The following ACSL4 variants were observed in gnomAD, a reference collection of about 807,000 sequenced individuals.
The protein encoded by ACSL4 is acyl-CoA synthetase long chain family member 4, also known as long-chain-fatty-acid--CoA ligase 4.
ACSL4 carries 9 observed loss-of-function variants against 49.1 expected under a neutral mutation model. The ratio of observed to expected loss-of-function variants is 0.18; its 90% CI spans 0.11 to 0.32. ACSL4 has a LOEUF of 0.32. Among genes scored for constraint, ACSL4 ranks in the 10% least tolerant of loss-of-function variants. ACSL4 has a pLI of 1.00. For synonymous variants in ACSL4, 191 were observed against 170.3 expected (o/e 1.12, Z -0.95); for missense variants, 333 against 493.7 (o/e 0.67, Z 3.08).
intron 15 of ACSL4, among the ~76,000 whole-genome samples, chrX:109,653,141 G>A (rs917266340): frequency 9.0e-6 from 1 of 111,240 alleles, no homozygotes; most frequent in Non-Finnish European, 1.9e-5. Context: ...GCAGCAATTT[G>A]GCAATGAGGA....
intron 1 of ACSL4, among the ~76,000 whole-genome samples, chrX:109,719,461 G>A (rs915650576): frequency 8.9e-6 from 1 of 111,950 alleles, no homozygotes; most frequent in African/African-American, 3.3e-5. Context: ...TACTCCTCGC[G>A]CTGAAAATCA....
chrX:109,672,781 T>C (rs1276462373), intron 9 of ACSL4, among the ~76,000 whole-genome samples: 7 of 110,061 alleles, frequency 6.4e-5, no homozygotes, highest in African/African-American at 2.0e-4. Context: ...ACAAGTGTCA[T>C]TGGAACCTGG....
chrX:109,675,192 G>C (rs1161572974), intron 8 of ACSL4, among the ~76,000 whole-genome samples: 1 of 112,897 alleles, frequency 8.9e-6, no homozygotes, highest in Non-Finnish European at 1.9e-5. Flanking sequence ...GAAACAAAAT[G>C]GGCTCTCATG....
At chrX:109,658,787 T>A (rs773137452) in intron 15 of ACSL4, among the ~76,000 whole-genome samples, 8 of 111,836 alleles carry the variant, frequency 7.2e-5, no homozygotes, top group Non-Finnish European at 1.5e-4. Context: ...TCTCTGTTCA[T>A]CTCTCTATTG....
chrX:109,644,440 T>C (rs1285787854), intron 15 of ACSL4, among the ~76,000 whole-genome samples: 1 of 111,036 alleles, frequency 9.0e-6, no homozygotes, highest in Non-Finnish European at 1.9e-5. Flanking sequence ...GTTGTTTCAG[T>C]TGGATAGTTT....
chrX:109,677,549 C>G (rs1172455630), intron 8 of ACSL4, among the ~76,000 whole-genome samples: 1 of 110,289 alleles, frequency 9.1e-6, no homozygotes, highest in Non-Finnish European at 1.9e-5. Flanking sequence ...GAGGCCGAGG[C>G]GGACAGATCA....
At chrX:109,707,713 T>C (rs1348852545) in intron 1 of ACSL4, among the ~76,000 whole-genome samples, 1 of 110,022 alleles carries the variant, frequency 9.1e-6, no homozygotes, top group East Asian at 2.8e-4. Context: ...AAAAAAAAAA[T>C]AGGAACAACT....
Position 109,646,492 on chromosome X carries a change from G to C in ACSL4, c.1856-2306C>G, listed in dbSNP as rs866926862. ...ATGCTGAGAGATTTTGTCACCACCA[G>C]GCCTGCCCTAAAAGAGCTCCTGAAG... On this transcript the variant is annotated intron_variant, in intron 15 of 15. Coordinates refer to ENST00000672401, the MANE Select transcript of ACSL4 (RefSeq NM_001318510.2). Among the ~76,000 whole-genome samples, 974 of 109,019 alleles carry C rather than the reference G, an allele frequency of 8.9e-3. 11 individuals carry two copies. Among genetic ancestry groups the C allele is most frequent in the African/African-American group, 0.031 (918 of 29,973 alleles). The allele number at this position is 109,019 out of a possible 115,157, so 94.7% of individuals were successfully genotyped here.
chrX:109,649,881 C>T (rs1298953630), intron 15 of ACSL4, among the ~76,000 whole-genome samples: 1 of 107,596 alleles, frequency 9.3e-6, no homozygotes, highest in Admixed American at 1.0e-4. Flanking sequence ...TGAACAGACA[C>T]TTCTCAAAAG....
rs1486015255 is a variant in ACSL4, at chrX:109,642,709, T to C, written c.*1320A>G. 9.0e-6 allele frequency: 1 copy of C among 111,497 alleles called. No homozygotes were observed. The highest frequency in any genetic ancestry group is 3.3e-5 in the African/African-American group (1 of 30,620). 9.2% of individuals were successfully genotyped at this position (111,497 alleles called of 1,213,427 possible). Reference sequence around the variant, plus strand: ...CAAGTGTGAATATTTATCAGGGATATATAATCCCAGGTTTTAATTAAAGAT... The same window carrying C: ...CAAGTGTGAATATTTATCAGGGATACATAATCCCAGGTTTTAATTAAAGAT... On this transcript the variant is annotated 3_prime_UTR_variant, in exon 16 of 16. Transcript: ENST00000672401.
Position 109,671,484 on chromosome X carries a change from G to A in ACSL4, c.1003-2311C>T, listed in dbSNP as rs997988035. On this transcript the variant is annotated intron_variant, in intron 9 of 15. Coordinates refer to ENST00000672401, the MANE Select transcript of ACSL4 (RefSeq NM_001318510.2). ...CAGCCCCCGCCCGACCAGCCACCCC[G>A]TCCGGGAGGTGGCAGGCGGGCGCCT... is the stretch of plus-strand genomic sequence containing the variant. Among the ~76,000 whole-genome samples the A allele has an allele frequency of 1.8e-3, 190 of 102,887 alleles. 1 individual carries two copies. Among genetic ancestry groups the A allele is most frequent in the African/African-American group, 6.3e-3 (175 of 27,865 alleles). The allele number at this position is 102,887 out of a possible 115,157, so 89.3% of individuals were successfully genotyped here.
At chrX:109,693,215 T>C (rs1413394445) in intron 2 of ACSL4, among the ~76,000 whole-genome samples, 1 of 111,085 alleles carries the variant, frequency 9.0e-6, no homozygotes, top group East Asian at 2.8e-4. Context: ...AATAAATGAC[T>C]ATAATTCAGC....
chrX:109,663,345 T>C lies in ACSL4; in HGVS notation c.1448A>G (p.Gln483Arg). The change falls in exon 13 of 16, where the codon CAG (glutamine) becomes CGG (arginine). Residue 483 changes from glutamine to arginine, a missense_variant. By Grantham distance (43) the Gln-to-Arg change is conservative. Coordinates refer to ENST00000672401, the MANE Select transcript of ACSL4 (RefSeq NM_001318510.2). ...TTTAAAATATCCCATGGAGATGTTC[T>C]GTCCACCAATTACGATTTCACCTCT... ...NPRGEIVIGG[Q>R]NISMGYFKNE... 8.3e-7 allele frequency: 1 copy of C among 1,210,657 alleles called. No homozygotes were observed. The highest frequency in any genetic ancestry group is 1.1e-6 in the Non-Finnish European group (1 of 894,313).
intron 8 of ACSL4, among the ~76,000 whole-genome samples, chrX:109,676,576 C>G (rs1431888607): frequency 9.0e-6 from 1 of 111,483 alleles, no homozygotes; most frequent in African/African-American, 3.3e-5. Context: ...CATCCAGAAC[C>G]CCACAGCTTC....
chrX:109,695,386 A>T (rs1925362067), intron 2 of ACSL4, among the ~76,000 whole-genome samples: 1 of 108,877 alleles, frequency 9.2e-6, no homozygotes, highest in African/African-American at 3.3e-5. Context: ...GTATCGGGGC[A>T]AGCATAAACT....
chrX:109,670,966 G>A (rs902906442), intron 9 of ACSL4, among the ~76,000 whole-genome samples: 9 of 112,119 alleles, frequency 8.0e-5, no homozygotes, highest in Admixed American at 1.9e-4. Flanking sequence ...GCGTGATCTC[G>A]GCTGGCTACA....
At chrX:109,663,488 G>T in intron 12 of ACSL4, 86 bp from the exon 13 acceptor site, 1 of 864,019 alleles carries the variant, frequency 1.2e-6, no homozygotes, top group Non-Finnish European at 1.7e-6. Context: ...GTATTTTTCT[G>T]CTGATCAGAT....
intron 1 of ACSL4, among the ~76,000 whole-genome samples, chrX:109,702,575 C>T (rs1424997706): frequency 8.9e-6 from 1 of 112,398 alleles, no homozygotes; most frequent in East Asian, 2.8e-4. Flanking sequence ...ATATCCAGCA[C>T]ACAGATCTTG....
chrX:109,702,800 G>GC (rs1488465659), intron 1 of ACSL4, among the ~76,000 whole-genome samples: 1 of 111,264 alleles, frequency 9.0e-6, no homozygotes, highest in Non-Finnish European at 1.9e-5. Context: ...CACAATCTGG[G>GC]CAACAAATAA....
Sources: allele counts gnomAD v4.1 joint callset (sites outside exome capture counted in the v4.1 genomes callset), GRCh38; gene constraint gnomAD v4.1.1; transcripts MANE v1.5; gene names NCBI Gene and HGNC (gene_info 2026-07-23, HGNC 2026-07-21).